RPTN: variants seen among roughly 807,000 people sequenced by gnomAD.
The protein encoded by RPTN is repetin, also known as intermediate filament-associated protein.
In RPTN, 4 loss-of-function variants were observed where a neutral mutation model predicts 3.6. That is an observed-to-expected ratio of 1.12 (90% CI 0.55 to 2.55). RPTN has a LOEUF of 2.55. Among genes scored for constraint, RPTN ranks in the 30% most tolerant of loss-of-function variants. The pLI is 0.02. For synonymous variants in RPTN, 293 were observed against 319.3 expected (o/e 0.92, Z 0.88); for missense variants, 860 against 916.7 (o/e 0.94, Z 0.80).
rs760905620 is a variant in RPTN, at chr1:152,156,818, T to G, written c.281A>C (p.His94Pro). Reference protein sequence around the residue: ...ACYHKLDNKSHGGRTSQQERG... With the variant: ...ACYHKLDNKSPGGRTSQQERG... ...TTCTTGCTGTGAGGTCCTGCCTCCA[T>G]GTGACTTATTGTCTAGCTTATGATA... Residue 94 changes from histidine to proline, a missense_variant, in exon 3 of 3, where the codon CAT (histidine) becomes CCT (proline). His to Pro is a moderately conservative substitution (Grantham distance 77). Coordinates refer to ENST00000316073, the MANE Select transcript of RPTN (RefSeq NM_001122965.1). 6.2e-7 allele frequency: 1 copy of G among 1,614,240 alleles called. No homozygotes were observed. Among genetic ancestry groups the G allele is most frequent in the Non-Finnish European group, 8.5e-7 (1 of 1,180,040 alleles).
chr1:152,158,613 G>A (rs1347187365), intron 1 of RPTN, among the ~76,000 whole-genome samples: 2 of 152,180 alleles, frequency 1.3e-5, no homozygotes, highest in African/African-American at 4.8e-5. Flanking sequence ...TGGGAGACTT[G>A]GGTCTTTTGG....
At position 152,154,991 on chromosome 1, in the gene RPTN, T is replaced by G. The variant is rs756287969; in HGVS notation, c.2108A>C (p.His703Pro). The change falls in exon 3 of 3, where the codon CAC becomes CCC. Residue 703 changes from histidine to proline, a missense_variant. His to Pro is a moderately conservative substitution (Grantham distance 77, BLOSUM62 -2). Transcript: ENST00000316073. ...TRQSHGEGLS[H>P]WAEEEQGHQT... ...ATGGCCCTGCTCTTCCTCTGCCCAG[T>G]GGCTCAGCCCCTCACCATGACTCTG... 6.2e-7 allele frequency: 1 copy of G among 1,613,890 alleles called. No homozygotes were observed. Among genetic ancestry groups the G allele is most frequent in the Admixed American group, 1.7e-5 (1 of 60,016 alleles).
chr1:152,157,679 G>A (rs1659235008), intron 2 of RPTN, 73 bp downstream of exon 2: 4 of 1,539,520 alleles, frequency 2.6e-6, no homozygotes, highest in Admixed American at 3.5e-5. Context: ...ATAAAACAAA[G>A]CATCCAACCC....
At position 152,156,487 on chromosome 1, in the gene RPTN, GGA is replaced by G; in HGVS notation, c.610_611del (p.Ser204GlnfsTer4). The G allele has an allele frequency of 6.2e-7, 1 of 1,614,202 alleles. No homozygotes were observed. The highest frequency in any genetic ancestry group is 8.5e-7 in the Non-Finnish European group (1 of 1,180,042). Reference protein sequence around the residue: ...FDQSERQSQDSSSGKKVSHKS... With the variant: ...FDQSERQSQDXSSGKKVSHKS... ...TGTGACTCACTTTTTTACCAGAGCTGGAGTCTTGACTTTGTCTCTCTGACTGA... is the reference window on the plus strand; with the variant it reads ...TGTGACTCACTTTTTTACCAGAGCTGGTCTTGACTTTGTCTCTCTGACTGA... On this transcript the variant is annotated frameshift_variant, in exon 3 of 3. Coordinates refer to ENST00000316073, the MANE Select transcript of RPTN (RefSeq NM_001122965.1). LOFTEE classifies it low-confidence loss of function (END_TRUNC).
chr1:152,157,048 G>T lies in RPTN; in HGVS notation c.139-88C>A, dbSNP rs995723737. On this transcript the variant is annotated intron_variant, in intron 2 of 2. Transcript: ENST00000316073. ...CAGTGTTCATGCCCCAATCCATTCGGTGCTGCACGGACCTTCCTAGGTTGA... is the reference window on the plus strand; with the variant it reads ...CAGTGTTCATGCCCCAATCCATTCGTTGCTGCACGGACCTTCCTAGGTTGA... The T allele has an allele frequency of 1.7e-4, 191 of 1,138,388 alleles. 1 individual carries two copies. Among genetic ancestry groups the T allele is most frequent in the Non-Finnish European group, 2.2e-4 (177 of 792,392 alleles). 70.5% of individuals were successfully genotyped at this position (1,138,388 alleles called of 1,614,324 possible).
Position 152,154,926 on chromosome 1 carries a change from G to A in RPTN, c.2173C>T (p.Pro725Ser), listed in dbSNP as rs768316552. Residue 725 changes from proline (P) to serine (S), a missense_variant, in exon 3 of 3, where the codon CCA (proline) becomes TCA (serine). Pro to Ser is a moderately conservative substitution (Grantham distance 74). Coordinates refer to ENST00000316073, the MANE Select transcript of RPTN (RefSeq NM_001122965.1). Reference protein sequence around the residue: ...DRHSHESQEGPCGTQDRRTHK... With the variant: ...DRHSHESQEGSCGTQDRRTHK... ...GTTCGCCTGTCCTGTGTCCCACATG[G>A]ACCTTCCTGACTCTCATGGCTGTGT... 1 of 1,613,952 alleles carries A rather than the reference G, an allele frequency of 6.2e-7. No individual in the cohort carries two copies. Among genetic ancestry groups the A allele is most frequent in the Non-Finnish European group, 8.5e-7 (1 of 1,180,026 alleles).
At position 152,156,313 on chromosome 1, in the gene RPTN, TG is replaced by T. The variant is rs1557824674; in HGVS notation, c.785del (p.Thr262LysfsTer16). On this transcript the variant is annotated frameshift_variant, in exon 3 of 3. Transcript: ENST00000316073. LOFTEE classifies it low-confidence loss of function (END_TRUNC). ...TLGQASHFNQ[T>X]NQQKSGSYCG... is the part of the protein sequence containing the mutation. The stretch of plus-strand genomic sequence containing the variant: ...AATAAGAGCCTGATTTCTGTTGATT[TG>T]TCTGGTTAAAGTGAGAGGCTTGTCC... 1 of 1,614,278 alleles carries T rather than the reference TG, an allele frequency of 6.2e-7. No individual in the cohort carries two copies. The highest frequency in any genetic ancestry group is 1.3e-5 in the African/African-American group (1 of 75,080).
rs527629995 is a variant in RPTN at position 152,157,702 on chromosome 1, CAG to C, written c.138+48_138+49del. 6.9e-3 allele frequency: 11,113 copies of C among 1,604,142 alleles called. 63 individuals carry two copies. The highest frequency in any genetic ancestry group is 8.5e-3 in the Non-Finnish European group (9,981 of 1,172,644). On this transcript the variant is annotated intron_variant, in intron 2 of 2. Coordinates refer to ENST00000316073, the MANE Select transcript of RPTN (RefSeq NM_001122965.1). ...AAGCATCCAACCCTGGTGCAGGTGTCAGAGTCATTCACACTTGATCTCATGGG... is the reference window on the plus strand; with the variant it reads ...AAGCATCCAACCCTGGTGCAGGTGTCAGTCATTCACACTTGATCTCATGGG...
rs1038445603 is a variant in RPTN at position 152,155,934 on chromosome 1, A to T, written c.1165T>A (p.Ser389Thr). ...TGTCTGTCTGTCTGACCATAGTGAGAACTCTGATCTTGTGTGTCTGGCTGA... is the reference window on the plus strand; with the variant it reads ...TGTCTGTCTGTCTGACCATAGTGAGTACTCTGATCTTGTGTGTCTGGCTGA... The part of the protein sequence containing the change: ...YGQPDTQDQS[S>T]HYGQTDRQDQ... Residue 389 changes from serine to threonine, a missense_variant, in exon 3 of 3, where the codon TCT becomes ACT. Coordinates refer to ENST00000316073, the MANE Select transcript of RPTN (RefSeq NM_001122965.1). 16 of 1,613,302 alleles carry T rather than the reference A, an allele frequency of 9.9e-6. No homozygotes were observed. In the Admixed American group the frequency reaches 1.0e-4, roughly 10 times the overall value.
chr1:152,156,194 T>A lies in RPTN; in HGVS notation c.905A>T (p.Asp302Val). 1 of 1,606,260 alleles carries A rather than the reference T, an allele frequency of 6.2e-7. No individual in the cohort carries two copies. The highest frequency in any genetic ancestry group is 8.5e-7 in the Non-Finnish European group (1 of 1,177,084). The change falls in exon 3 of 3, where the codon GAC becomes GTC. Residue 302 changes from aspartate (D) to valine (V), a missense_variant. Asp to Val is a radical substitution (Grantham distance 152). Coordinates refer to ENST00000316073, the MANE Select transcript of RPTN (RefSeq NM_001122965.1). Reference protein sequence around the residue: ...SSHYGQTDRQDQSYHYGQTDR... With the variant: ...SSHYGQTDRQVQSYHYGQTDR... ...TGTCTGACCATAATGATAACTCTGG[T>A]CTTGTCTGTCCGTCTGACCGTAGTG... is the stretch of plus-strand genomic sequence containing the variant.
At position 152,156,058 on chromosome 1, in the gene RPTN, G is replaced by C. The variant is rs1659194037; in HGVS notation, c.1041C>G (p.Asp347Glu). Reference sequence around the variant, plus strand: ...CATAATGATAACACTGGCCTTTTCTGTCCATTTGACCATAGTGGGAACTCT... The same window carrying C: ...CATAATGATAACACTGGCCTTTTCTCTCCATTTGACCATAGTGGGAACTCT... ...QGQSSHYGQM[D>E]RKGQCYHYDQ... Residue 347 changes from aspartate to glutamate, a missense_variant, in exon 3 of 3, where the codon GAC (aspartate) becomes GAG (glutamate). Coordinates refer to ENST00000316073, the MANE Select transcript of RPTN (RefSeq NM_001122965.1). 1 of 1,612,860 alleles carries C rather than the reference G, an allele frequency of 6.2e-7. No individual in the cohort carries two copies. Among genetic ancestry groups the C allele is most frequent in the South Asian group, 1.1e-5 (1 of 91,026 alleles).
chr1:152,157,558 G>GGTGTGT (rs58634415), intron 2 of RPTN, among the ~76,000 whole-genome samples, 194 bp downstream of exon 2: 101 of 139,608 alleles, frequency 7.2e-4, no homozygotes, highest in Admixed American at 1.4e-3. Flanking sequence ...GATACAAGGA[G>GGTGTGT]GTGTGTGTGT....
In RPTN at chr1:152,156,148, G is replaced by A; in HGVS notation, c.951C>T (p.Ser317=). 1 of 1,613,082 alleles carries A rather than the reference G, an allele frequency of 6.2e-7. No individual in the cohort carries two copies. The highest frequency in any genetic ancestry group is 8.5e-7 in the Non-Finnish European group (1 of 1,179,766). Reference sequence around the variant, plus strand: ...CTTGTCTGTCCGTCTGACTGTAGTGGGAACTCTGGCCTTGTCTGTCTGTCT... The same window carrying A: ...CTTGTCTGTCCGTCTGACTGTAGTGAGAACTCTGGCCTTGTCTGTCTGTCT... ...YGQTDRQGQS[S]HYSQTDRQGQ... Residue 317 remains serine (S), a synonymous_variant, in exon 3 of 3, where the codon TCC becomes TCT. Transcript: ENST00000316073.
chr1:152,157,757 G>A lies in RPTN; in HGVS notation c.133C>T (p.Leu45Phe). The A allele has an allele frequency of 8.1e-6, 13 of 1,613,864 alleles. No homozygotes were observed. Among genetic ancestry groups the A allele is most frequent in the Non-Finnish European group, 1.1e-5 (13 of 1,179,900 alleles). The change falls in exon 2 of 3, where the codon CTC becomes TTC. Residue 45 changes from leucine to phenylalanine, a missense_variant. Transcript: ENST00000316073. ...TGTGTGTCTGTGTATCTTACCTGGAGGATGTCTCCAAACTCAGCCAAGAGC... is the reference window on the plus strand; with the variant it reads ...TGTGTGTCTGTGTATCTTACCTGGAAGATGTCTCCAAACTCAGCCAAGAGC... ...QLLLAEFGDI[L>F]QRPNDPETVE...
rs1336847633 is a variant in RPTN, at chr1:152,154,585, G to T, written c.*159C>A. On this transcript the variant is annotated 3_prime_UTR_variant, in exon 3 of 3. Coordinates refer to ENST00000316073, the MANE Select transcript of RPTN (RefSeq NM_001122965.1). ...GTCTTTTCTGTGAGCCTTGGCTCTGGTCATCCTCTTTCATGTGGAATTTTT... is the reference window on the plus strand; with the variant it reads ...GTCTTTTCTGTGAGCCTTGGCTCTGTTCATCCTCTTTCATGTGGAATTTTT... 1 of 1,026,158 alleles carries T rather than the reference G, an allele frequency of 9.7e-7. No homozygotes were observed. Among genetic ancestry groups the T allele is most frequent in the African/African-American group, 1.6e-5 (1 of 62,296 alleles). 63.6% of individuals were successfully genotyped at this position (1,026,158 alleles called of 1,614,324 possible).
At position 152,155,535 on chromosome 1, in the gene RPTN, G is replaced by A. The variant is rs1289478234; in HGVS notation, c.1564C>T (p.His522Tyr). The A allele has an allele frequency of 6.2e-7, 1 of 1,611,052 alleles. No individual in the cohort carries two copies. The highest frequency in any genetic ancestry group is 8.5e-7 in the Non-Finnish European group (1 of 1,178,598). The change falls in exon 3 of 3, where the codon CAC becomes TAC. Residue 522 changes from histidine to tyrosine, a missense_variant. By Grantham distance (83) the His-to-Tyr change is moderately conservative. Coordinates refer to ENST00000316073, the MANE Select transcript of RPTN (RefSeq NM_001122965.1). ...GQTDRQGQSF[H>Y]YGQPDRQGQS... The stretch of plus-strand genomic sequence containing the variant: ...CCTTGTCTGTCTGGCTGACCATAGT[G>A]GAAACTCTGGCCTTGTCTGTCTGTC...
chr1:152,157,953 C>G (rs1659240358), intron 1 of RPTN, 44 bp from the exon 2 acceptor site: 4 of 1,533,450 alleles, frequency 2.6e-6, no homozygotes, highest in Non-Finnish European at 3.6e-6. Flanking sequence ...GGATAATGAC[C>G]ACGAGACAGC....
chr1:152,154,855 A>C lies in RPTN; in HGVS notation c.2244T>G (p.His748Gln). The C allele has an allele frequency of 1.9e-6, 3 of 1,613,308 alleles. No homozygotes were observed. The highest frequency in any genetic ancestry group is 2.5e-6 in the Non-Finnish European group (3 of 1,179,732). The change falls in exon 3 of 3, where the codon CAT becomes CAG. Residue 748 changes from histidine (H) to glutamine (Q), a missense_variant. Transcript: ENST00000316073. The part of the protein sequence containing the change: ...QNHQRRDRQT[H>Q]EHEQSHQRRD... ...GTCTCTGATGGCTCTGCTCATGTTC[A>C]TGGGTTTGTCTGTCTCGTCTCTGAT...
Position 152,156,073 on chromosome 1 carries a change from G to C in RPTN, c.1026C>G (p.His342Gln). 1 of 1,613,502 alleles carries C rather than the reference G, an allele frequency of 6.2e-7. No homozygotes were observed. The highest frequency in any genetic ancestry group is 8.5e-7 in the Non-Finnish European group (1 of 1,179,954). Residue 342 changes from histidine (H) to glutamine (Q), a missense_variant, in exon 3 of 3, where the codon CAC becomes CAG. His to Gln is a conservative substitution (Grantham distance 24). Transcript: ENST00000316073. ...GGCCTTTTCTGTCCATTTGACCATA[G>C]TGGGAACTCTGACCTTGTCTGTCTG... ...SQPDRQGQSS[H>Q]YGQMDRKGQC...
Sources: allele counts gnomAD v4.1 joint callset (sites outside exome capture counted in the v4.1 genomes callset), GRCh38; gene constraint gnomAD v4.1.1; transcripts MANE v1.5; gene names NCBI Gene and HGNC (gene_info 2026-07-23, HGNC 2026-07-21).